The following ATRNL1 variants were observed in gnomAD, a reference collection of about 807,000 sequenced individuals.
ATRNL1 encodes the protein attractin-like protein 1.
Under a neutral mutation model 182.7 loss-of-function variants are expected in ATRNL1, and 95 were observed. That is an observed-to-expected ratio of 0.52 (90% CI 0.44 to 0.62). ATRNL1 has a LOEUF of 0.62. Among genes scored for constraint, ATRNL1 ranks in the 20% least tolerant of loss-of-function variants. The pLI is 0.00. For synonymous variants in ATRNL1, 576 were observed against 568.3 expected (o/e 1.01, Z -0.19); for missense variants, 1,471 against 1,679.5 (o/e 0.88, Z 2.17).
At chr10:115,752,130 A>G (rs782063846) in intron 27 of ATRNL1, among the ~76,000 whole-genome samples, 9 of 152,068 alleles carry the variant, frequency 5.9e-5, no homozygotes, top group Non-Finnish European at 1.3e-4. Context: ...GAATTTCCTA[A>G]TTTACAGAAA....
chr10:115,760,021 A>G (rs1414815099), intron 27 of ATRNL1, among the ~76,000 whole-genome samples: 1 of 151,502 alleles, frequency 6.6e-6, no homozygotes, highest in African/African-American at 2.4e-5. Context: ...AATTGTGAAC[A>G]CTTTACATTG....
chr10:115,120,305 T>G (rs782062687), intron 2 of ATRNL1, 37 bp downstream of exon 2: 6 of 1,083,698 alleles, frequency 5.5e-6, no homozygotes, highest in Non-Finnish European at 8.2e-6. Context: ...ATGTATTTTA[T>G]TCTTAAATGA....
chr10:115,569,381 A>T (rs1186205248), intron 26 of ATRNL1, among the ~76,000 whole-genome samples: 1 of 152,092 alleles, frequency 6.6e-6, no homozygotes, highest in Non-Finnish European at 1.5e-5. Flanking sequence ...TCCAAATGGG[A>T]TTGCTTGCTT....
intron 20 of ATRNL1, among the ~76,000 whole-genome samples, chr10:115,418,981 A>G (rs543299059): frequency 6.6e-6 from 1 of 152,318 alleles, no homozygotes; most frequent in South Asian, 2.1e-4. Context: ...GAATACTTAC[A>G]TTGATTGTTA....
intron 26 of ATRNL1, among the ~76,000 whole-genome samples, chr10:115,573,128 G>A (rs1004166226): frequency 6.6e-6 from 1 of 152,162 alleles, no homozygotes; most frequent in South Asian, 2.1e-4. Context: ...CAGGCATCTT[G>A]GAAGAATTGG....
chr10:115,298,058 A>G (rs961958808), intron 15 of ATRNL1, among the ~76,000 whole-genome samples: 1 of 152,200 alleles, frequency 6.6e-6, no homozygotes, highest in African/African-American at 2.4e-5. Flanking sequence ...GTTTTGGTTT[A>G]TCAGAAAGCT....
chr10:115,266,211 T>G (rs1851601740), intron 11 of ATRNL1, among the ~76,000 whole-genome samples: 1 of 151,718 alleles, frequency 6.6e-6, no homozygotes, highest in Non-Finnish European at 1.5e-5. Flanking sequence ...TGGTATTAAT[T>G]TAGTATTGTC....
At chr10:115,399,883 A>G (rs1156377449) in intron 20 of ATRNL1, among the ~76,000 whole-genome samples, 5 of 152,034 alleles carry the variant, frequency 3.3e-5, no homozygotes, top group Admixed American at 3.3e-4. Flanking sequence ...GCATGGACAA[A>G]TATTTCATGA....
At chr10:115,193,593 A>C (rs1554890351) in intron 8 of ATRNL1, among the ~76,000 whole-genome samples, 1 of 151,500 alleles carries the variant, frequency 6.6e-6, no homozygotes, top group African/African-American at 2.4e-5. Context: ...TTATTTATTT[A>C]GGTCTTCTTT....
chr10:115,875,256 A>G (rs1951676021), intron 28 of ATRNL1, among the ~76,000 whole-genome samples: 1 of 152,208 alleles, frequency 6.6e-6, no homozygotes, highest in Non-Finnish European at 1.5e-5. Flanking sequence ...CTGGTTGAAT[A>G]CAGTTGGCAG....
intron 25 of ATRNL1, among the ~76,000 whole-genome samples, chr10:115,521,222 C>T (rs116925860): frequency 0.013 from 2,006 of 151,844 alleles, 28 homozygotes; most frequent in Middle Eastern, 0.034. Flanking sequence ...GGCGCTATTT[C>T]GGCTCACTGC....
intron 25 of ATRNL1, among the ~76,000 whole-genome samples, chr10:115,547,259 A>T (rs1372725781): frequency 7.8e-4 from 84 of 107,808 alleles, no homozygotes; most frequent in Non-Finnish European, 1.1e-3. Context: ...CATCTCAAAA[A>T]AAAAATATAT....
intron 17 of ATRNL1, among the ~76,000 whole-genome samples, chr10:115,314,826 A>T (rs782061624): frequency 6.6e-6 from 1 of 152,304 alleles, no homozygotes; most frequent in East Asian, 1.9e-4. Context: ...CAAAAAACCA[A>T]CAACAACAAA....
At chr10:115,699,426 T>C (rs1420630623) in intron 26 of ATRNL1, among the ~76,000 whole-genome samples, 1 of 152,066 alleles carries the variant, frequency 6.6e-6, no homozygotes, top group African/African-American at 2.4e-5. Context: ...AATTAAGAAA[T>C]GTGATTTTTT....
At chr10:115,160,511 C>T (rs1846733687) in intron 6 of ATRNL1, among the ~76,000 whole-genome samples, 1 of 194 alleles carries the variant, frequency 5.2e-3, no homozygotes, top group South Asian at 0.12. Flanking sequence ...TAAAATGAAT[C>T]AAATGAATTC....
intron 26 of ATRNL1, among the ~76,000 whole-genome samples, chr10:115,671,937 A>C (rs1945708887): frequency 6.6e-6 from 1 of 152,058 alleles, no homozygotes; most frequent in Non-Finnish European, 1.5e-5. Context: ...TGTCCCAATA[A>C]ATTTTGCATA....
rs1380446023 is a variant in ATRNL1, at chr10:115,677,211, A to T, written c.3796-50037A>T. 3.3e-5 allele frequency among the ~76,000 whole-genome samples: 5 copies of T among 152,124 alleles called. No individual in the cohort carries two copies. In the East Asian group the frequency reaches 9.6e-4, roughly 29 times the overall value. On this transcript the variant is annotated intron_variant, in intron 26 of 28. Coordinates refer to ENST00000355044, the MANE Select transcript of ATRNL1 (RefSeq NM_207303.4). ...GGCTAAAAGCTCTAAATGCAAATAT[A>T]AGGGGTTCCAGGAATTTCAGGGCTG...
intron 10 of ATRNL1, among the ~76,000 whole-genome samples, chr10:115,252,175 C>T (rs972702021): frequency 5.9e-5 from 9 of 152,010 alleles, no homozygotes; most frequent in African/African-American, 9.7e-5. Flanking sequence ...TACAGGCGCC[C>T]GCCACCACGC....
At chr10:115,409,275 C>A (rs1554959212) in intron 20 of ATRNL1, among the ~76,000 whole-genome samples, 1 of 152,140 alleles carries the variant, frequency 6.6e-6, no homozygotes, top group African/African-American at 2.4e-5. Context: ...TTGTAGAGTT[C>A]TTTCACCTCC....
Sources: allele counts gnomAD v4.1 joint callset (sites outside exome capture counted in the v4.1 genomes callset), GRCh38; gene constraint gnomAD v4.1.1; transcripts MANE v1.5; gene names NCBI Gene and HGNC (gene_info 2026-07-23, HGNC 2026-07-21).